ZSWIM5: variants seen among roughly 807,000 people sequenced by gnomAD.
ZSWIM5 encodes zinc finger SWIM domain-containing protein 5.
ZSWIM5 carries 55 observed loss-of-function variants against 119.6 expected under a neutral mutation model. The observed-to-expected ratio is 0.46, with a 90% CI of 0.37 to 0.58. The LOEUF (loss-of-function observed/expected upper bound fraction) is 0.58, where lower values mean the gene tolerates loss of function less well. ZSWIM5 is among the 20% of genes least tolerant of loss of function. The pLI is 0.00. For synonymous variants in ZSWIM5, 537 were observed against 606.9 expected, an observed-to-expected ratio of 0.88 and a Z score of 1.69; for missense variants, 1,193 against 1,512.8, an observed-to-expected ratio of 0.79 and a Z score of 3.51.
chr1:45,201,092 C>T (rs1392289353), intron 1 of ZSWIM5, among the ~76,000 whole-genome samples: 1 of 152,084 alleles, frequency 6.6e-6, no homozygotes, highest in Admixed American at 6.6e-5. Context: ...GGGAGAATGC[C>T]ACGTGACCAC....
chr1:45,044,747 ATAT>A lies in ZSWIM5; in HGVS notation c.1433-1355_1433-1353del, dbSNP rs1419569052. 3.5e-3 allele frequency among the ~76,000 whole-genome samples: 5 copies of A among 1,434 alleles called. 1 individual carries two copies. Among genetic ancestry groups the A allele is most frequent in the African/African-American group, 7.9e-3 (5 of 636 alleles). 0.9% of individuals were successfully genotyped at this position (1,434 alleles called of 152,430 possible). ...TCAAAAAAAAAAAAAAAAAAAAAAA[ATAT>A]ATATATATATATATATATATATATA... On this transcript the variant is annotated intron_variant, in intron 5 of 13. Coordinates refer to ENST00000359600, the MANE Select transcript of ZSWIM5 (RefSeq NM_020883.2).
intron 2 of ZSWIM5, among the ~76,000 whole-genome samples, chr1:45,060,607 A>T (rs1161021003): frequency 1.3e-5 from 2 of 152,182 alleles, no homozygotes; most frequent in Non-Finnish European, 2.9e-5. Context: ...TTTTCTATGA[A>T]GTTCAAATAT....
At chr1:45,168,120 T>C (rs955803122) in intron 1 of ZSWIM5, among the ~76,000 whole-genome samples, 1 of 152,080 alleles carries the variant, frequency 6.6e-6, no homozygotes, top group South Asian at 2.1e-4. Flanking sequence ...GTGGCACATA[T>C]ACAGCATGGA....
At chr1:45,201,676 T>C (rs568798537) in intron 1 of ZSWIM5, among the ~76,000 whole-genome samples, 7 of 152,342 alleles carry the variant, frequency 4.6e-5, no homozygotes, top group African/African-American at 1.7e-4. Context: ...TTATCCATCA[T>C]CTTTAAAATC....
At chr1:45,046,841 T>C (rs1032780940) in intron 5 of ZSWIM5, among the ~76,000 whole-genome samples, 1 of 151,456 alleles carries the variant, frequency 6.6e-6, no homozygotes, top group Non-Finnish European at 1.5e-5. Flanking sequence ...CAGGCTAACA[T>C]AGTGAAACCC....
At chr1:45,052,793 T>A (rs1216748463) in intron 4 of ZSWIM5, among the ~76,000 whole-genome samples, 1 of 151,966 alleles carries the variant, frequency 6.6e-6, no homozygotes, top group Non-Finnish European at 1.5e-5. Context: ...TTTCTATTTT[T>A]TCAATTCAAT....
intron 1 of ZSWIM5, among the ~76,000 whole-genome samples, chr1:45,141,809 C>G (rs575448067): frequency 5.7e-4 from 86 of 151,902 alleles, no homozygotes; most frequent in Non-Finnish European, 9.9e-4. Flanking sequence ...AAAAGAATAT[C>G]ATGTAATAAT....
At chr1:45,091,504 A>G (rs1645364190) in intron 1 of ZSWIM5, among the ~76,000 whole-genome samples, 1 of 151,640 alleles carries the variant, frequency 6.6e-6, no homozygotes, top group African/African-American at 2.4e-5. Context: ...AAAAAAAAAA[A>G]AAAAAAAAAA....
chr1:45,032,037 GTTTAATTTCCAAAAACTTAAGATAT>G (rs1369073010), intron 11 of ZSWIM5, among the ~76,000 whole-genome samples: 4 of 151,916 alleles, frequency 2.6e-5, no homozygotes, highest in Non-Finnish European at 5.9e-5. Flanking sequence ...CACGTATGTG[GTTTAATTTCCAAAAACTTAAGATAT>G]TTTAAAATAT....
At chr1:45,097,481 T>C (rs1055508648) in intron 1 of ZSWIM5, among the ~76,000 whole-genome samples, 2 of 152,162 alleles carry the variant, frequency 1.3e-5, no homozygotes, top group African/African-American at 2.4e-5. Context: ...TGAGTGAGAT[T>C]TTACTCAAAA....
chr1:45,171,534 T>C (rs1645946166), intron 1 of ZSWIM5, among the ~76,000 whole-genome samples: 1 of 152,114 alleles, frequency 6.6e-6, no homozygotes, highest in African/African-American at 2.4e-5. Flanking sequence ...TGAAAGATTC[T>C]TGCTACAGCT....
chr1:45,187,484 CACTT>C (rs1331463778), intron 1 of ZSWIM5, among the ~76,000 whole-genome samples: 1 of 151,594 alleles, frequency 6.6e-6, no homozygotes, highest in Non-Finnish European at 1.5e-5. Context: ...AACTAGAAAA[CACTT>C]AGAAGAAAAC....
In ZSWIM5 at chr1:45,051,243, C is replaced by T; in HGVS notation, c.1263G>A (p.Trp421Ter). ...AGTGTGGATTTAAAATTATGCACAC[C>T]CATAAAGCCCCTGGAAAATAAAGCA... ...RQLWDELGAL[W>*]VCIILNPHCK... The change falls in exon 5 of 14, where the codon TGG (tryptophan) becomes TGA (stop). Residue 421 changes from tryptophan to a stop codon, truncating the protein, a stop_gained. Coordinates refer to ENST00000359600, the MANE Select transcript of ZSWIM5 (RefSeq NM_020883.2). LOFTEE classifies it high-confidence loss of function. The T allele has an allele frequency of 6.2e-7, 1 of 1,613,310 alleles. No individual in the cohort carries two copies. Among genetic ancestry groups the T allele is most frequent in the Non-Finnish European group, 8.5e-7 (1 of 1,179,770 alleles).
chr1:45,152,210 T>C (rs1394685020), intron 1 of ZSWIM5, among the ~76,000 whole-genome samples: 1 of 152,106 alleles, frequency 6.6e-6, no homozygotes, highest in African/African-American at 2.4e-5. Flanking sequence ...GGCAGTGATA[T>C]AATCATATTT....
chr1:45,112,297 T>C (rs1645523485), intron 1 of ZSWIM5, among the ~76,000 whole-genome samples: 1 of 152,226 alleles, frequency 6.6e-6, no homozygotes, highest in African/African-American at 2.4e-5. Flanking sequence ...TATTTTGAGA[T>C]TCATCATGTT....
chr1:45,124,796 G>C (rs1645610622), intron 1 of ZSWIM5, among the ~76,000 whole-genome samples: 1 of 152,118 alleles, frequency 6.6e-6, no homozygotes, highest in African/African-American at 2.4e-5. Context: ...TTAATCAAAA[G>C]AAAGTAGTAG....
chr1:45,086,315 CA>C, intron 2 of ZSWIM5, among the ~76,000 whole-genome samples: 1 of 152,240 alleles, frequency 6.6e-6, no homozygotes, highest in Non-Finnish European at 1.5e-5. Flanking sequence ...CTGGATATGA[CA>C]TTTGAGCAGG....
intron 2 of ZSWIM5, among the ~76,000 whole-genome samples, chr1:45,067,063 G>A (rs1386388404): frequency 6.6e-6 from 1 of 152,084 alleles, no homozygotes; most frequent in Non-Finnish European, 1.5e-5. Flanking sequence ...ATCACATTTG[G>A]GTATGTTGAT....
chr1:45,036,065 T>C lies in ZSWIM5; in HGVS notation c.2129A>G (p.Gln710Arg), dbSNP rs955976106. The C allele has an allele frequency of 3.7e-6, 6 of 1,614,152 alleles. No individual in the cohort carries two copies. The highest frequency in any genetic ancestry group is 4.2e-6 in the Non-Finnish European group (5 of 1,179,996). Residue 710 changes from glutamine to arginine, a missense_variant, in exon 9 of 14, where the codon CAA (glutamine) becomes CGA (arginine). By Grantham distance (43) the Gln-to-Arg change is conservative. Around this residue, in one of 2 missense-constraint regions of ZSWIM5, gnomAD observed 961 missense variants for 1,290.0 expected, o/e 0.74. Transcript: ENST00000359600. The stretch of plus-strand genomic sequence containing the variant: ...TTCCAGCAGTAAGATGCATTGTTTT[T>C]GCAGTGTTTGCACTAGCTCATCGTC... ...QLDDELVQTL[Q>R]KQCILLLEGG...
Sources: gnomAD v4.1 joint callset for allele counts (sites outside exome capture counted in the v4.1 genomes callset) on GRCh38, gnomAD v4.1.1 for gene constraint, gnomAD v4.1.1 regional missense constraint, MANE v1.5 for transcripts, NCBI Gene and HGNC (gene_info 2026-07-23, HGNC 2026-07-21) for gene names.